Variants in PCDH7 observed in about 807,000 individuals in gnomAD.
PCDH7 encodes the protein protocadherin-7.
In PCDH7, 17 loss-of-function variants were observed where a neutral mutation model predicts 58.9. That is an observed-to-expected ratio of 0.29 (90% CI 0.20 to 0.43). The LOEUF (loss-of-function observed/expected upper bound fraction) is 0.43, where lower values mean the gene tolerates loss of function less well. PCDH7 is among the 20% of genes least tolerant of loss of function. The pLI is 1.00. For synonymous variants in PCDH7, 664 were observed against 616.4 expected (o/e 1.08, Z -1.14); for missense variants, 1,274 against 1,441.0 (o/e 0.88, Z 1.88).
At chr4:30,989,745 G>C (rs979043055) in intron 3 of PCDH7, among the ~76,000 whole-genome samples, 2 of 151,904 alleles carry the variant, frequency 1.3e-5, no homozygotes, top group Non-Finnish European at 2.9e-5. Context: ...ATTGAATAGG[G>C]GTTATGTTGT....
chr4:31,048,923 C>T (rs1756513663), intron 3 of PCDH7, among the ~76,000 whole-genome samples: 1 of 151,960 alleles, frequency 6.6e-6, no homozygotes, highest in African/African-American at 2.4e-5. Flanking sequence ...ATAGTCAGGA[C>T]AAAGACAAAT....
At chr4:31,132,238 G>A (rs1038514317) in intron 3 of PCDH7, among the ~76,000 whole-genome samples, 2 of 152,076 alleles carry the variant, frequency 1.3e-5, no homozygotes, top group African/African-American at 2.4e-5. Context: ...TGGAAGAAAA[G>A]AGAGTTTAAG....
chr4:30,743,727 T>TACAC (rs112207547), intron 1 of PCDH7, among the ~76,000 whole-genome samples: 16 of 149,080 alleles, frequency 1.1e-4, no homozygotes, highest in South Asian at 2.1e-4. Context: ...CTCTCATACA[T>TACAC]ACACACACAC....
At chr4:30,845,596 A>G (rs892229985) in intron 1 of PCDH7, among the ~76,000 whole-genome samples, 1 of 152,024 alleles carries the variant, frequency 6.6e-6, no homozygotes, top group Non-Finnish European at 1.5e-5. Flanking sequence ...TTTACTGTGT[A>G]TTCTCTCTTT....
At chr4:31,110,626 G>T (rs967532009) in intron 3 of PCDH7, among the ~76,000 whole-genome samples, 1 of 152,062 alleles carries the variant, frequency 6.6e-6, no homozygotes, top group African/African-American at 2.4e-5. Context: ...TTAAAACATT[G>T]AATACCAGGC....
intron 1 of PCDH7, among the ~76,000 whole-genome samples, chr4:30,752,285 A>G (rs1718632167): frequency 6.6e-6 from 1 of 152,076 alleles, no homozygotes; most frequent in African/African-American, 2.4e-5. Flanking sequence ...GGTGCCTGCC[A>G]CCATGCCCAG....
chr4:30,750,012 A>G (rs1347945529), intron 1 of PCDH7, among the ~76,000 whole-genome samples: 1 of 152,194 alleles, frequency 6.6e-6, no homozygotes, highest in African/African-American at 2.4e-5. Flanking sequence ...GTTTCTATAC[A>G]AAAGGTATTT....
intron 2 of PCDH7, among the ~76,000 whole-genome samples, chr4:30,947,434 G>A (rs531537317): frequency 4.6e-5 from 7 of 151,994 alleles, no homozygotes; most frequent in East Asian, 1.9e-4. Flanking sequence ...AACTCATATC[G>A]TTGTCCATAC....
chr4:30,797,713 C>T (rs1213225025), intron 1 of PCDH7, among the ~76,000 whole-genome samples: 3 of 152,146 alleles, frequency 2.0e-5, no homozygotes, highest in African/African-American at 4.8e-5. Context: ...CAGTTCTTCG[C>T]AAAGTGCCTT....
chr4:31,065,029 GT>G, intron 3 of PCDH7, among the ~76,000 whole-genome samples: 1 of 151,970 alleles, frequency 6.6e-6, no homozygotes, highest in East Asian at 1.9e-4. Context: ...AAGTTAAAGA[GT>G]TTTAATTTAG....
At chr4:30,848,865 C>T (rs1732341999) in intron 1 of PCDH7, among the ~76,000 whole-genome samples, 1 of 151,976 alleles carries the variant, frequency 6.6e-6, no homozygotes, top group Non-Finnish European at 1.5e-5. Context: ...ATCAACTGGC[C>T]CTGACGGTGG....
intron 1 of PCDH7, among the ~76,000 whole-genome samples, chr4:30,738,728 T>G (rs543735165): frequency 6.6e-6 from 1 of 152,314 alleles, no homozygotes; most frequent in East Asian, 1.9e-4. Context: ...TCTTAAAATT[T>G]TAGTGCATTT....
chr4:30,793,165 T>A (rs1365406690), intron 1 of PCDH7, among the ~76,000 whole-genome samples: 1 of 152,118 alleles, frequency 6.6e-6, no homozygotes. Context: ...TTATGAGGCT[T>A]ACTTCCAATT....
At chr4:30,872,184 A>G (rs1281829659) in intron 1 of PCDH7, among the ~76,000 whole-genome samples, 1 of 152,110 alleles carries the variant, frequency 6.6e-6, no homozygotes, top group East Asian at 1.9e-4. Context: ...ACTGCTTATT[A>G]ATAGATTAAA....
chr4:30,829,828 G>A (rs1313464089), intron 1 of PCDH7, among the ~76,000 whole-genome samples: 1 of 151,962 alleles, frequency 6.6e-6, no homozygotes, highest in Non-Finnish European at 1.5e-5. Flanking sequence ...TAAAATAGAA[G>A]GGGGATGGAG....
At chr4:31,015,879 A>G (rs555678214) in intron 3 of PCDH7, among the ~76,000 whole-genome samples, 2 of 152,326 alleles carry the variant, frequency 1.3e-5, no homozygotes, top group South Asian at 4.1e-4. Context: ...ATAAAATGTC[A>G]ATATCTAATT....
At chr4:30,954,481 G>A (rs1747656664) in intron 3 of PCDH7, among the ~76,000 whole-genome samples, 1 of 151,910 alleles carries the variant, frequency 6.6e-6, no homozygotes, top group Non-Finnish European at 1.5e-5. Context: ...TCTGCTTTTT[G>A]ACATTCAGTT....
At chr4:30,754,062 A>G (rs41530644) in intron 1 of PCDH7, among the ~76,000 whole-genome samples, 6,165 of 152,126 alleles carry the variant, frequency 0.041, 303 homozygotes, top group African/African-American at 0.12. Context: ...CGCTTCTCCA[A>G]TTGTAGTCAG....
In PCDH7 at chr4:30,781,632, G is replaced by A. The variant is rs182408671; in HGVS notation, c.70+57036G>A. Among the ~76,000 whole-genome samples, 375 of 151,636 alleles carry A rather than the reference G, an allele frequency of 2.5e-3. 2 individuals carry two copies. Among genetic ancestry groups the A allele is most frequent in the African/African-American group, 8.7e-3 (360 of 41,332 alleles). ...GCTGATTGCAACCTCCACCTCCTGG[G>A]TTCAAGCGATTCTCCTGCCTCAGCC... On this transcript the variant is annotated intron_variant, in intron 1 of 3. Coordinates refer to the PCDH7 transcript ENST00000509759.
Sources: gnomAD v4.1 joint callset for allele counts (sites outside exome capture counted in the v4.1 genomes callset) on GRCh38, gnomAD v4.1.1 for gene constraint, MANE v1.5 for transcripts, NCBI Gene and HGNC (gene_info 2026-07-23, HGNC 2026-07-21) for gene names.